Variants in SLC44A5 observed in about 807,000 individuals in gnomAD.
SLC44A5 encodes solute carrier family 44 member 5.
In SLC44A5, 57 loss-of-function variants were observed where a neutral mutation model predicts 101.8. The ratio of observed to expected loss-of-function variants is 0.56; its 90% CI spans 0.45 to 0.70. The LOEUF is 0.70. SLC44A5 is among the 30% of genes least tolerant of loss of function. The probability of loss-of-function intolerance (pLI) is 0.00; values close to 1 mark genes in which losing one functional copy is unlikely to be tolerated. For missense variants in SLC44A5, 737 were observed against 853.1 expected (o/e 0.86, Z 1.70); for synonymous variants, 281 against 290.9 (o/e 0.97, Z 0.35).
At chr1:75,634,505 G>A in the SLC44A5 span, among the ~76,000 whole-genome samples, 72,378 of 148,876 alleles carry the variant, frequency 0.49, 18,758 homozygotes, top group East Asian at 0.93. Context: ...CAGAAATAAC[G>A]CCGCATATCT....
intron 1 of SLC44A5, among the ~76,000 whole-genome samples, chr1:75,603,507 A>T (rs1675121782): frequency 6.6e-6 from 1 of 151,936 alleles, no homozygotes; most frequent in African/African-American, 2.4e-5. Context: ...CAGTAGTGGG[A>T]TTGCTGGGTC....
intron 3 of SLC44A5, among the ~76,000 whole-genome samples, chr1:75,376,552 AC>A (rs1027514378): frequency 6.1e-4 from 93 of 152,058 alleles, no homozygotes; most frequent in African/African-American, 2.1e-3. Context: ...ACTGGGAGGC[AC>A]CCCCCAGCAG....
At chr1:75,239,691 T>C (rs1315911857) in intron 9 of SLC44A5, among the ~76,000 whole-genome samples, 4 of 152,004 alleles carry the variant, frequency 2.6e-5, no homozygotes, top group Non-Finnish European at 4.4e-5. Flanking sequence ...CTCAGTTTAA[T>C]CAGAGTTTTG....
At chr1:75,357,268 G>T (rs911546924) in intron 3 of SLC44A5, 2 of 454,330 alleles carry the variant, frequency 4.4e-6, no homozygotes, top group Non-Finnish European at 8.8e-6. Context: ...GTCACTAAAA[G>T]CTCTTGAACT....
chr1:75,270,511 T>TA, intron 6 of SLC44A5, among the ~76,000 whole-genome samples: 1 of 152,148 alleles, frequency 6.6e-6, no homozygotes, highest in East Asian at 1.9e-4. Context: ...TCAGTCTATA[T>TA]ACAAAAATAA....
At chr1:75,279,308 T>C (rs1008678123) in intron 5 of SLC44A5, among the ~76,000 whole-genome samples, 1 of 152,096 alleles carries the variant, frequency 6.6e-6, no homozygotes, top group Non-Finnish European at 1.5e-5. Flanking sequence ...TAGATTCAAA[T>C]ATGTGAAAAC....
intron 4 of SLC44A5, among the ~76,000 whole-genome samples, chr1:75,322,102 G>A (rs549120081): frequency 2.6e-5 from 4 of 152,242 alleles, no homozygotes; most frequent in South Asian, 4.1e-4. Context: ...CTTGAGGTCA[G>A]GAGTTTGAGA....
intron 2 of SLC44A5, among the ~76,000 whole-genome samples, chr1:75,460,952 G>T (rs1213012864): frequency 6.6e-6 from 1 of 151,748 alleles, no homozygotes; most frequent in East Asian, 1.9e-4. Flanking sequence ...AAATCAGTCT[G>T]ACATCCTTGC....
chr1:75,413,130 A>G (rs1243467521), intron 2 of SLC44A5, among the ~76,000 whole-genome samples: 3 of 152,116 alleles, frequency 2.0e-5, no homozygotes, highest in African/African-American at 7.2e-5. Context: ...CAATTGTCCT[A>G]TTTATTAGCT....
At chr1:75,471,069 AG>A (rs1667081996) in intron 2 of SLC44A5, among the ~76,000 whole-genome samples, 2 of 152,232 alleles carry the variant, frequency 1.3e-5, no homozygotes, top group African/African-American at 4.8e-5. Context: ...TAGAGGGCTC[AG>A]ACAAATTTAT....
chr1:75,349,847 T>G (rs1362349609), intron 3 of SLC44A5, among the ~76,000 whole-genome samples: 1 of 152,200 alleles, frequency 6.6e-6, no homozygotes, highest in Non-Finnish European at 1.5e-5. Flanking sequence ...TTTAAACTTT[T>G]ATAAGTATGC....
At chr1:75,645,498 T>C in the SLC44A5 span, among the ~76,000 whole-genome samples, 3 of 151,922 alleles carry the variant, frequency 2.0e-5, no homozygotes, top group Middle Eastern at 3.2e-3. Flanking sequence ...TGTAAATTTG[T>C]TTGAGTTCAT....
chr1:75,656,553 CT>C, the SLC44A5 span, among the ~76,000 whole-genome samples: 3 of 152,138 alleles, frequency 2.0e-5, no homozygotes, highest in Admixed American at 2.0e-4. Flanking sequence ...AATTTTTTCT[CT>C]GCTTAATTGT....
chr1:75,242,090 T>G (rs1187304393), intron 8 of SLC44A5, 29 bp from the exon 9 acceptor site: 1 of 1,580,416 alleles, frequency 6.3e-7, no homozygotes, highest in African/African-American at 1.3e-5. Context: ...CGTTAACATT[T>G]CAAAGGCCAT....
chr1:75,222,378 C>T lies in SLC44A5; in HGVS notation c.1068G>A (p.Leu356=). 6 of 1,613,468 alleles carry T rather than the reference C, an allele frequency of 3.7e-6. No individual in the cohort carries two copies. Among genetic ancestry groups the T allele is most frequent in the Non-Finnish European group, 5.1e-6 (6 of 1,179,606 alleles). ...GGCCTTACTTGCTTCCTTCCTTCAG[C>T]AGGATAATGGCGACTCGGATTCGAT... ...LRNRIRVAII[L]LKEGSKAIGY... Residue 356 remains leucine, a synonymous_variant, in exon 14 of 24, where the codon CTG becomes CTA. Transcript: ENST00000370859.
intron 2 of SLC44A5, among the ~76,000 whole-genome samples, chr1:75,421,940 A>C (rs1466210449): frequency 1.3e-5 from 2 of 151,698 alleles, no homozygotes; most frequent in Non-Finnish European, 2.9e-5. Flanking sequence ...TTGTCCTGGG[A>C]CTGCTATTCA....
Position 75,255,445 on chromosome 1 carries a change from C to CAA in SLC44A5, c.261-4153_261-4152dup, listed in dbSNP as rs35118630. On this transcript the variant is annotated intron_variant, in intron 6 of 23. Coordinates refer to ENST00000370859, the MANE Select transcript of SLC44A5 (RefSeq NM_001130058.2). ...AAAGATTAAAATATAATTGCCAAAACAAAAAAAAATCAAAAGAAGAGATGG... is the reference window on the plus strand; with the variant it reads ...AAAGATTAAAATATAATTGCCAAAACAAAAAAAAAAATCAAAAGAAGAGATGG... Among the ~76,000 whole-genome samples, 783 of 148,638 alleles carry CAA rather than the reference C, an allele frequency of 5.3e-3. 17 individuals carry two copies. The highest frequency in any genetic ancestry group is 0.017 in the African/African-American group (690 of 40,458).
At chr1:75,348,751 T>C (rs994000620) in intron 3 of SLC44A5, among the ~76,000 whole-genome samples, 20 of 152,320 alleles carry the variant, frequency 1.3e-4, no homozygotes, top group African/African-American at 4.8e-4. Flanking sequence ...GAAATAGATA[T>C]ATGAAGTCTT....
intron 2 of SLC44A5, among the ~76,000 whole-genome samples, chr1:75,424,796 G>A (rs1319395810): frequency 6.6e-6 from 1 of 152,070 alleles, no homozygotes; most frequent in Non-Finnish European, 1.5e-5. Context: ...CAAGGAACAG[G>A]ATTTACGTTA....
Sources: gnomAD v4.1 joint callset for allele counts (sites outside exome capture counted in the v4.1 genomes callset) on GRCh38, gnomAD v4.1.1 for gene constraint, MANE v1.5 for transcripts, NCBI Gene and HGNC (gene_info 2026-07-23, HGNC 2026-07-21) for gene names.